CDH13: variants seen among roughly 807,000 people sequenced by gnomAD.
CDH13 encodes cadherin-13.
Under a neutral mutation model 63.8 loss-of-function variants are expected in CDH13, and 24 were observed. The ratio of observed to expected loss-of-function variants is 0.38; its 90% CI spans 0.27 to 0.53. The LOEUF is 0.53. Among genes scored for constraint, CDH13 ranks in the 20% least tolerant of loss-of-function variants. The probability of loss-of-function intolerance (pLI) is 0.85; values close to 1 mark genes in which losing one functional copy is unlikely to be tolerated. For synonymous variants in CDH13, 503 were observed against 355.3 expected (o/e 1.42, Z -4.67); for missense variants, 1,049 against 903.1 (o/e 1.16, Z -2.07).
At chr16:82,983,143 T>A (rs371039559) in intron 2 of CDH13, among the ~76,000 whole-genome samples, 3 of 152,294 alleles carry the variant, frequency 2.0e-5, no homozygotes, top group East Asian at 3.9e-4. Context: ...TTTCTGGGAA[T>A]CTTCAAACTC....
intron 1 of CDH13, among the ~76,000 whole-genome samples, chr16:82,645,173 G>A (rs1278824673): frequency 2.0e-5 from 3 of 152,102 alleles, no homozygotes; most frequent in African/African-American, 7.2e-5. Context: ...CTTCGACGGG[G>A]CCCTTCACCC....
intron 2 of CDH13, among the ~76,000 whole-genome samples, chr16:82,913,273 G>C (rs780005854): frequency 9.2e-5 from 14 of 152,114 alleles, no homozygotes; most frequent in Non-Finnish European, 1.6e-4. Context: ...AGAGGGAAAC[G>C]TTCGATGCTG....
intron 3 of CDH13, among the ~76,000 whole-genome samples, chr16:83,084,437 G>GGTCT (rs1339698040): frequency 2.0e-5 from 3 of 152,168 alleles, no homozygotes; most frequent in African/African-American, 7.2e-5. Flanking sequence ...TATTGTCAGA[G>GGTCT]CATCTTTGTG....
chr16:83,316,174 C>T (rs2090100888), intron 5 of CDH13, among the ~76,000 whole-genome samples: 1 of 152,168 alleles, frequency 6.6e-6, no homozygotes, highest in African/African-American at 2.4e-5. Context: ...ACAAGAAGAG[C>T]ATGGGGGAAC....
At chr16:83,205,020 G>T (rs77277616) in intron 4 of CDH13, among the ~76,000 whole-genome samples, 12 of 152,200 alleles carry the variant, frequency 7.9e-5, no homozygotes, top group Admixed American at 5.9e-4. Flanking sequence ...GAACACTGCT[G>T]TGTGCCCAGA....
chr16:83,570,262 C>T (rs1395452077), intron 7 of CDH13, among the ~76,000 whole-genome samples: 2 of 152,102 alleles, frequency 1.3e-5, no homozygotes, highest in Admixed American at 6.5e-5. Flanking sequence ...CCTTGGTGGC[C>T]ACAAAACCAC....
At chr16:83,218,976 T>C (rs965491920) in intron 5 of CDH13, among the ~76,000 whole-genome samples, 1 of 152,178 alleles carries the variant, frequency 6.6e-6, no homozygotes, top group South Asian at 2.1e-4. Context: ...TCTGCCATGA[T>C]TGTGAGGCCT....
At chr16:83,269,380 C>G (rs2088726596) in intron 5 of CDH13, among the ~76,000 whole-genome samples, 1 of 152,150 alleles carries the variant, frequency 6.6e-6, no homozygotes, top group Admixed American at 6.5e-5. Context: ...CATAAATAGA[C>G]ACACCATCCT....
intron 5 of CDH13, among the ~76,000 whole-genome samples, chr16:83,268,340 A>G (rs1202950830): frequency 6.6e-6 from 1 of 152,188 alleles, no homozygotes; most frequent in Non-Finnish European, 1.5e-5. Context: ...GTGTAGCCTG[A>G]GGGATCTGGC....
chr16:83,191,488 T>TATATAC, intron 4 of CDH13, among the ~76,000 whole-genome samples: 1 of 95,616 alleles, frequency 1.0e-5, no homozygotes, highest in Non-Finnish European at 2.1e-5. Context: ...TATATATATA[T>TATATAC]GCACATATAT....
At chr16:82,875,884 G>A (rs1220215419) in intron 2 of CDH13, among the ~76,000 whole-genome samples, 1 of 152,198 alleles carries the variant, frequency 6.6e-6, no homozygotes, top group Admixed American at 6.5e-5. Flanking sequence ...CCGAGACTGG[G>A]CAATTTACAA....
intron 2 of CDH13, among the ~76,000 whole-genome samples, chr16:82,921,686 G>A (rs1597217417): frequency 6.6e-6 from 1 of 152,106 alleles, no homozygotes; most frequent in African/African-American, 2.4e-5. Flanking sequence ...ATATTCCTGA[G>A]AGATATTGGT....
chr16:82,976,452 C>T (rs1318876905), intron 2 of CDH13, among the ~76,000 whole-genome samples: 3 of 152,180 alleles, frequency 2.0e-5, no homozygotes, highest in Admixed American at 2.0e-4. Flanking sequence ...CAGTTATCCT[C>T]ATGCTTTTCC....
chr16:82,692,563 G>A lies in CDH13; in HGVS notation c.45+65426G>A, dbSNP rs200322718. On this transcript the variant is annotated intron_variant, in intron 1 of 13. Transcript: ENST00000567109. ...CCCATGATTAATTTACCTCTCTCTT[G>A]TTCCTTCCATGACATGTGAGAATTA... Among the ~76,000 whole-genome samples, 4 of 152,130 alleles carry A rather than the reference G, an allele frequency of 2.6e-5. No individual in the cohort carries two copies. The East Asian group carries it at 5.8e-4, about 22-fold the overall frequency.
intron 8 of CDH13, among the ~76,000 whole-genome samples, chr16:83,610,559 A>AT (rs897535458): frequency 6.6e-6 from 1 of 151,918 alleles, no homozygotes; most frequent in African/African-American, 2.4e-5. Context: ...CTATAAACTA[A>AT]TTTTTTTCCT....
chr16:83,153,795 T>G (rs1262237621), intron 4 of CDH13, among the ~76,000 whole-genome samples: 2 of 152,210 alleles, frequency 1.3e-5, no homozygotes, highest in Admixed American at 1.3e-4. Flanking sequence ...AAATGTCTGT[T>G]TAAGCCACTC....
At chr16:83,023,044 A>G (rs1199893224) in intron 2 of CDH13, 1 of 152,182 alleles carries the variant, frequency 6.6e-6, no homozygotes, top group African/African-American at 2.4e-5. Flanking sequence ...TTGGATTTTC[A>G]TCCCCAAGAA....
chr16:82,823,270 T>G (rs78624983), intron 1 of CDH13: 6,834 of 152,304 alleles, frequency 0.045, 449 homozygotes, highest in African/African-American at 0.14. Flanking sequence ...GGATGGACTT[T>G]ACCTCCTAGT....
chr16:83,147,533 G>A (rs147805296), intron 4 of CDH13, among the ~76,000 whole-genome samples: 259 of 152,232 alleles, frequency 1.7e-3, no homozygotes, highest in Non-Finnish European at 3.0e-3. Context: ...CTCCTTTCAC[G>A]ACTATCTTAT....
Sources: gnomAD v4.1 joint callset for allele counts (sites outside exome capture counted in the v4.1 genomes callset) on GRCh38, gnomAD v4.1.1 for gene constraint, MANE v1.5 for transcripts, NCBI Gene and HGNC (gene_info 2026-07-23, HGNC 2026-07-21) for gene names.